The following NECAP2 variants were observed in gnomAD, a reference collection of about 807,000 sequenced individuals.
The protein encoded by NECAP2 is adaptin ear-binding coat-associated protein 2.
NECAP2 carries 38 observed loss-of-function variants against 37.8 expected under a neutral mutation model. The observed-to-expected ratio is 1.01, with a 90% confidence interval of 0.78 to 1.32. NECAP2 has a LOEUF of 1.32. Ranked by LOEUF, NECAP2 falls within the 40% of genes most tolerant of loss-of-function variation. The probability of loss-of-function intolerance (pLI) is 0.00; values close to 1 mark genes in which losing one functional copy is unlikely to be tolerated. For missense variants in NECAP2, 316 were observed against 334.5 expected, an observed-to-expected ratio of 0.94 and a Z score of 0.43; for synonymous variants, 121 against 127.7, an observed-to-expected ratio of 0.95 and a Z score of 0.35.
At position 16,443,657 on chromosome 1, in the gene NECAP2, C is replaced by G. The variant is rs1557685027; in HGVS notation, c.118C>G (p.Pro40Ala). ...YRAAEWQLDQ[P>A]SWSGRLRITA... ...GGCTGCGGAGTGGCAGCTGGACCAG[C>G]CATCATGGAGTGGCCGGCTGAGGAT... Residue 40 changes from proline (P) to alanine (A), a missense_variant, in exon 2 of 8, where the codon CCA becomes GCA. Pro to Ala is a conservative substitution (Grantham distance 27). Coordinates refer to ENST00000337132, the MANE Select transcript of NECAP2 (RefSeq NM_018090.5). 6.2e-7 allele frequency: 1 copy of G among 1,612,206 alleles called. No individual in the cohort carries two copies. The highest frequency in any genetic ancestry group is 8.5e-7 in the Non-Finnish European group (1 of 1,179,658).
chr1:16,443,620 T>C lies in NECAP2; in HGVS notation c.93-12T>C. ...GCCTCTGGCAGAGATTCAGTGGTGT[T>C]TGTCCCCTTAGGGCTGCGGAGTGGC... On this transcript the variant is annotated splice_polypyrimidine_tract_variant and intron_variant, in intron 1 of 7. Coordinates refer to ENST00000337132, the MANE Select transcript of NECAP2 (RefSeq NM_018090.5). 2 of 1,602,430 alleles carry C rather than the reference T, an allele frequency of 1.2e-6. No homozygotes were observed. Among genetic ancestry groups the C allele is most frequent in the South Asian group, 2.2e-5 (2 of 89,058 alleles).
rs527491794 is a variant in NECAP2, at chr1:16,442,103, C to T, written c.92+1250C>T. Among the ~76,000 whole-genome samples, 136 of 151,966 alleles carry T rather than the reference C, an allele frequency of 8.9e-4. 2 individuals are homozygous for T. The highest frequency in any genetic ancestry group is 3.0e-3 in the African/African-American group (126 of 41,438). The stretch of plus-strand genomic sequence containing the variant: ...AAGCGATTCTCCTGCCTCAGCCTCC[C>T]GAGTAGCTGGGATTACAGCCATACA... On this transcript the variant is annotated intron_variant, in intron 1 of 7. Transcript: ENST00000337132.
At chr1:16,454,131 C>T (rs1044370092) in intron 6 of NECAP2, among the ~76,000 whole-genome samples, 1 of 152,054 alleles carries the variant, frequency 6.6e-6, no homozygotes, top group Non-Finnish European at 1.5e-5. Flanking sequence ...GCAATCTCGG[C>T]TTACCACAAC....
chr1:16,458,418 A>G (rs148029500), intron 7 of NECAP2, among the ~76,000 whole-genome samples: 7,660 of 152,126 alleles, frequency 0.05, 288 homozygotes, highest in Non-Finnish European at 0.077. Flanking sequence ...CCTGGGCAAC[A>G]TGGCAAAACC....
At chr1:16,455,652 G>T in intron 6 of NECAP2, 166 bp from the exon 7 acceptor site, 2 of 612,032 alleles carry the variant, frequency 3.3e-6, no homozygotes, top group Non-Finnish European at 3.0e-6. Context: ...GGCAACTCAG[G>T]GTGTTTGGTT....
In NECAP2 at chr1:16,447,825, G is replaced by T. The variant is rs140529653; in HGVS notation, c.194-45G>T. 6 of 1,541,872 alleles carry T rather than the reference G, an allele frequency of 3.9e-6. No individual in the cohort carries two copies. In the African/African-American group the frequency reaches 6.8e-5, roughly 17 times the overall value. On this transcript the variant is annotated intron_variant, in intron 2 of 7. Transcript: ENST00000337132. ...GTAGTGTGGTAGAAAACCTTGGCTG[G>T]AAGGGGGCTCAGGGCTCAGCGCTCA... is the stretch of plus-strand genomic sequence containing the variant.
intron 7 of NECAP2, among the ~76,000 whole-genome samples, chr1:16,457,707 GTT>G (rs56863489): frequency 1.4e-3 from 144 of 105,442 alleles, no homozygotes; most frequent in African/African-American, 3.9e-3. Context: ...TAGTAATTCT[GTT>G]TTTTTTTTTT....
intron 5 of NECAP2, 139 bp from the exon 6 acceptor site, chr1:16,451,699 T>C (rs12752952): frequency 1.3e-6 from 1 of 768,224 alleles, no homozygotes; most frequent in Non-Finnish European, 2.3e-6. Context: ...CTCATAGCAA[T>C]GGAGGTGCTA....
chr1:16,455,029 T>A (rs1437540998), intron 6 of NECAP2, among the ~76,000 whole-genome samples: 5 of 152,124 alleles, frequency 3.3e-5, no homozygotes, highest in African/African-American at 1.2e-4. Flanking sequence ...TGGGGTGAGG[T>A]TCACAGAAGA....
At chr1:16,441,399 TTC>T (rs1003760938) in intron 1 of NECAP2, 5 of 153,354 alleles carry the variant, frequency 3.3e-5, no homozygotes, top group African/African-American at 1.2e-4. Context: ...CCTTCTATAT[TTC>T]TCTGGTCTCT....
rs781602458 is a variant in NECAP2 at position 16,451,837 on chromosome 1, G to T, written c.490-1G>T. On this transcript the variant is annotated splice_acceptor_variant, in intron 5 of 7. Coordinates refer to ENST00000337132, the MANE Select transcript of NECAP2 (RefSeq NM_018090.5). LOFTEE classifies it high-confidence loss of function. Reference sequence around the variant, plus strand: ...GATTTGCATTCCTCTTCCCTCTTTAGAACATGAAGAAGAAGGAAGGAGCAG... The same window carrying T: ...GATTTGCATTCCTCTTCCCTCTTTATAACATGAAGAAGAAGGAAGGAGCAG... 5 of 1,613,968 alleles carry T rather than the reference G, an allele frequency of 3.1e-6. No homozygotes were observed. Among genetic ancestry groups the T allele is most frequent in the Non-Finnish European group, 3.4e-6 (4 of 1,179,996 alleles).
At chr1:16,447,521 A>G (rs553620098) in intron 2 of NECAP2, among the ~76,000 whole-genome samples, 4 of 152,292 alleles carry the variant, frequency 2.6e-5, no homozygotes, top group South Asian at 2.1e-4. Context: ...TTCAGGTAAT[A>G]TAAGTGGGTA....
chr1:16,448,528 A>T (rs916333625), intron 4 of NECAP2, among the ~76,000 whole-genome samples: 2 of 152,160 alleles, frequency 1.3e-5, no homozygotes, highest in African/African-American at 4.8e-5. Context: ...CAGGGCAGGA[A>T]GTCCTCCTCC....
At chr1:16,445,901 CAAAAA>C (rs1411794581) in intron 2 of NECAP2, among the ~76,000 whole-genome samples, 1 of 150,810 alleles carries the variant, frequency 6.6e-6, no homozygotes, top group Non-Finnish European at 1.5e-5. Flanking sequence ...AAGACTGTCT[CAAAAA>C]GAAAAGAAAA....
chr1:16,447,842 C>T lies in NECAP2; in HGVS notation c.194-28C>T, dbSNP rs749152067. 1.4e-5 allele frequency: 22 copies of T among 1,590,260 alleles called. 1 individual carries two copies. The East Asian group carries it at 4.9e-4, about 36-fold the overall frequency. ...CTTGGCTGGAAGGGGGCTCAGGGCTCAGCGCTCAGCCTAACCTGTGCTTTC... is the reference window on the plus strand; with the variant it reads ...CTTGGCTGGAAGGGGGCTCAGGGCTTAGCGCTCAGCCTAACCTGTGCTTTC... On this transcript the variant is annotated intron_variant, in intron 2 of 7. Transcript: ENST00000337132.
intron 5 of NECAP2, chr1:16,450,579 G>C (rs1385531451): frequency 1.9e-5 from 3 of 154,542 alleles, no homozygotes; most frequent in African/African-American, 7.3e-5. Context: ...TTTTTTTAAA[G>C]CATTTTCTTG....
intron 6 of NECAP2, among the ~76,000 whole-genome samples, chr1:16,454,267 C>T (rs2086887235): frequency 6.6e-6 from 1 of 151,058 alleles, no homozygotes; most frequent in South Asian, 2.1e-4. Context: ...CCATGTTGGT[C>T]AGGCTGGTCT....
chr1:16,444,291 C>G (rs528054628), intron 2 of NECAP2, among the ~76,000 whole-genome samples: 1 of 152,284 alleles, frequency 6.6e-6, no homozygotes, highest in Admixed American at 6.5e-5. Flanking sequence ...TCTGGGTGAG[C>G]TGTGGAGGGC....
intron 5 of NECAP2, chr1:16,450,100 T>G (rs547093657): frequency 7.6e-5 from 33 of 435,640 alleles, no homozygotes; most frequent in Non-Finnish European, 1.4e-4. Context: ...TGCTTCGTGC[T>G]GGTGATGATT....
Sources: allele counts gnomAD v4.1 joint callset (sites outside exome capture counted in the v4.1 genomes callset), GRCh38; gene constraint gnomAD v4.1.1; transcripts MANE v1.5; gene names NCBI Gene and HGNC (gene_info 2026-07-23, HGNC 2026-07-21).